ANO4: variants seen among roughly 807,000 people sequenced by gnomAD.
ANO4 encodes anoctamin-4.
In ANO4, 69 loss-of-function variants were observed where a neutral mutation model predicts 141.9. That is an observed-to-expected ratio of 0.49 (90% confidence interval 0.40 to 0.59). The LOEUF (loss-of-function observed/expected upper bound fraction) is 0.59, where lower values mean the gene tolerates loss of function less well. Ranked by LOEUF, ANO4 falls within the 20% of genes least tolerant of loss-of-function variation. The pLI is 0.00. For missense variants in ANO4, 894 were observed against 1,162.2 expected, an observed-to-expected ratio of 0.77 and a Z score of 3.36; for synonymous variants, 350 against 394.3, an observed-to-expected ratio of 0.89 and a Z score of 1.33.
At chr12:100,775,151 A>G (rs2033453114) in intron 3 of ANO4, among the ~76,000 whole-genome samples, 2 of 152,236 alleles carry the variant, frequency 1.3e-5, no homozygotes, top group Non-Finnish European at 2.9e-5. Context: ...TCAAATTTGC[A>G]TTTAAAGAAC....
rs2046386731 is a variant in ANO4, at chr12:101,018,158, T to C, written c.735-1876T>C. Among the ~76,000 whole-genome samples, 3 of 152,346 alleles carry C rather than the reference T, an allele frequency of 2.0e-5. No homozygotes were observed. The South Asian group carries it at 6.2e-4, about 32-fold the overall frequency. Reference sequence around the variant, plus strand: ...ATTTATTGTCTATTTCTTTATGACATCTTTACTTGGTGTTAAAATATAATG... The same window carrying C: ...ATTTATTGTCTATTTCTTTATGACACCTTTACTTGGTGTTAAAATATAATG... On this transcript the variant is annotated intron_variant, in intron 8 of 27. Transcript: ENST00000392977.
At chr12:100,914,807 C>T (rs1164404305) in intron 2 of ANO4, among the ~76,000 whole-genome samples, 1 of 151,978 alleles carries the variant, frequency 6.6e-6, no homozygotes, top group Non-Finnish European at 1.5e-5. Flanking sequence ...ATGGACCTCC[C>T]TCCCTTCTTT....
At chr12:100,785,406 C>T (rs2033842039) in intron 3 of ANO4, among the ~76,000 whole-genome samples, 1 of 152,188 alleles carries the variant, frequency 6.6e-6, no homozygotes, top group Non-Finnish European at 1.5e-5. Context: ...GTTCATCCCT[C>T]CTTCCTCCTT....
intron 6 of ANO4, among the ~76,000 whole-genome samples, chr12:100,974,482 C>T (rs1245474855): frequency 6.6e-6 from 1 of 152,002 alleles, no homozygotes; most frequent in Non-Finnish European, 1.5e-5. Flanking sequence ...GTATGTTGCC[C>T]TCTGATCCAT....
chr12:101,083,620 T>C, intron 15 of ANO4, 58 bp from the exon 16 acceptor site: 1 of 1,544,360 alleles, frequency 6.5e-7, no homozygotes, highest in Non-Finnish European at 8.7e-7. Context: ...ATGATATTTC[T>C]TTTTTTATTG....
chr12:100,761,799 C>G (rs1309025281), intron 3 of ANO4, among the ~76,000 whole-genome samples: 2 of 152,156 alleles, frequency 1.3e-5, no homozygotes, highest in Non-Finnish European at 2.9e-5. Context: ...AAAGCAATCT[C>G]AGGCCTGTTA....
intron 3 of ANO4, among the ~76,000 whole-genome samples, chr12:100,781,654 G>A (rs745349672): frequency 1.6e-4 from 25 of 152,176 alleles, no homozygotes; most frequent in Admixed American, 3.3e-4. Context: ...ACTGTATTGC[G>A]TATTTCTATA....
chr12:101,101,281 G>A, intron 22 of ANO4, among the ~76,000 whole-genome samples: 1 of 152,060 alleles, frequency 6.6e-6, no homozygotes. Context: ...TGTAATTGTA[G>A]AGTACATACC....
chr12:101,079,298 TG>T, intron 15 of ANO4, 23 bp downstream of exon 15: 8 of 1,601,202 alleles, frequency 5.0e-6, no homozygotes, highest in Middle Eastern at 3.3e-4. Flanking sequence ...TACCTCAGAA[TG>T]TTGTAAAAAG....
Position 100,909,397 on chromosome 12 carries a change from G to A in ANO4, c.55+7557G>A, listed in dbSNP as rs566118216. ...TCATAGTGGGAGGGTAGGACTCCTTGATTTCTTCTGCTACCTTGACTACAC... is the reference window on the plus strand; with the variant it reads ...TCATAGTGGGAGGGTAGGACTCCTTAATTTCTTCTGCTACCTTGACTACAC... On this transcript the variant is annotated intron_variant, in intron 2 of 27. Transcript: ENST00000392977. Among the ~76,000 whole-genome samples, 92 of 152,212 alleles carry A rather than the reference G, an allele frequency of 6.0e-4. 1 individual carries two copies. Among genetic ancestry groups the A allele is most frequent in the South Asian group, 1.7e-3 (8 of 4,816 alleles).
Position 101,128,629 on chromosome 12 carries a change from A to C in ANO4, c.*773A>C, listed in dbSNP as rs1480359855. ...TTTAAAATAAATTTCTGCACATGGA[A>C]TATTTTCAGCTGGCTCTTCTGACAT... is the stretch of plus-strand genomic sequence containing the variant. On this transcript the variant is annotated 3_prime_UTR_variant, in exon 28 of 28. Transcript: ENST00000392977. The C allele has an allele frequency of 6.6e-6, 1 of 152,650 alleles. No homozygotes were observed. Among genetic ancestry groups the C allele is most frequent in the Non-Finnish European group, 1.5e-5 (1 of 68,050 alleles). The allele number at this position is 152,650 out of a possible 1,614,324, so 9.5% of individuals were successfully genotyped here.
At chr12:100,764,898 A>G (rs147094040) in intron 3 of ANO4, among the ~76,000 whole-genome samples, 56 of 152,278 alleles carry the variant, frequency 3.7e-4, no homozygotes, top group Non-Finnish European at 5.9e-5. Context: ...ATGTGCATTC[A>G]TCAGGAATAT....
intron 3 of ANO4, among the ~76,000 whole-genome samples, chr12:100,759,918 A>T (rs972105313): frequency 6.6e-6 from 1 of 152,140 alleles, no homozygotes; most frequent in Non-Finnish European, 1.5e-5. Flanking sequence ...ATTTATGTAA[A>T]CATTTTATGA....
intron 3 of ANO4, among the ~76,000 whole-genome samples, chr12:100,777,318 C>A (rs934501908): frequency 1.2e-4 from 16 of 130,526 alleles, no homozygotes; most frequent in African/African-American, 3.9e-4. Flanking sequence ...GGGGTTTTGC[C>A]ATGTGGGCCG....
intron 1 of ANO4, among the ~76,000 whole-genome samples, chr12:100,844,775 GT>G (rs1275204077): frequency 0.069 from 1,828 of 26,614 alleles, 28 homozygotes; most frequent in African/African-American, 0.15. Context: ...GTATAAAATA[GT>G]CAGCCGGAGG....
At chr12:101,069,843 A>G (rs965879745) in intron 14 of ANO4, among the ~76,000 whole-genome samples, 1 of 152,138 alleles carries the variant, frequency 6.6e-6, no homozygotes, top group Non-Finnish European at 1.5e-5. Context: ...ATGGAAACTG[A>G]TAATGTGGTC....
intron 1 of ANO4, among the ~76,000 whole-genome samples, chr12:100,867,588 ACTCTCT>A (rs1291755816): frequency 1.5e-5 from 2 of 133,934 alleles, no homozygotes; most frequent in African/African-American, 5.6e-5. Context: ...ATCCAGAAAA[ACTCTCT>A]CTCTGTCTCT....
intron 14 of ANO4, among the ~76,000 whole-genome samples, chr12:101,062,673 T>C (rs1378545039): frequency 6.6e-6 from 1 of 152,220 alleles, no homozygotes; most frequent in African/African-American, 2.4e-5. Context: ...CTGGCGGCTT[T>C]GTTTACACTG....
At chr12:100,820,355 C>CAA (rs10713790) in intron 1 of ANO4, among the ~76,000 whole-genome samples, 36,361 of 141,040 alleles carry the variant, frequency 0.26, 5,211 homozygotes, top group Middle Eastern at 0.34. Flanking sequence ...GTCGGTTTCT[C>CAA]AAAAAAAAAA....
Sources: allele counts gnomAD v4.1 joint callset (sites outside exome capture counted in the v4.1 genomes callset), GRCh38; gene constraint gnomAD v4.1.1; transcripts MANE v1.5; gene names NCBI Gene and HGNC (gene_info 2026-07-23, HGNC 2026-07-21).